The following TNFSF4 variants were observed in gnomAD, a reference collection of about 807,000 sequenced individuals.
The protein encoded by TNFSF4 is TNF superfamily member 4.
TNFSF4 carries 4 observed loss-of-function variants against 7.3 expected under a neutral mutation model. The observed-to-expected ratio is 0.55, with a 90% CI of 0.27 to 1.25. The LOEUF is 1.25. TNFSF4 is among the 50% of genes most tolerant of loss of function. The pLI, the probability that TNFSF4 is intolerant of heterozygous loss-of-function variation, is 0.12. For missense variants in TNFSF4, 181 were observed against 208.8 expected (o/e 0.87, Z 0.82); for synonymous variants, 76 against 83.7 (o/e 0.91, Z 0.50).
the TNFSF4 span, chr1:173,362,911 T>G: frequency 2.1e-6 from 1 of 475,998 alleles, no homozygotes; most frequent in Non-Finnish European, 4.2e-6. Context: ...AAGCATAATC[T>G]ATAATGTACT....
chr1:173,177,373 A>C, the TNFSF4 span, among the ~76,000 whole-genome samples: 4 of 152,106 alleles, frequency 2.6e-5, no homozygotes, highest in African/African-American at 9.7e-5. Flanking sequence ...GTTCTTACTC[A>C]TAAGTGGGAC....
chr1:173,397,257 A>C, the TNFSF4 span, among the ~76,000 whole-genome samples: 1 of 152,158 alleles, frequency 6.6e-6, no homozygotes, highest in Non-Finnish European at 1.5e-5. Flanking sequence ...CAATTTCCAA[A>C]CGAGATCGTT....
chr1:173,322,293 T>A, the TNFSF4 span, among the ~76,000 whole-genome samples: 1 of 151,778 alleles, frequency 6.6e-6, no homozygotes, highest in African/African-American at 2.4e-5. Context: ...GAGGGAAGCG[T>A]CTAGGTTTTA....
At chr1:173,289,280 G>T in the TNFSF4 span, among the ~76,000 whole-genome samples, 2 of 152,026 alleles carry the variant, frequency 1.3e-5, no homozygotes, top group African/African-American at 4.8e-5. Context: ...CTAAGATGAA[G>T]ATTTATATAG....
chr1:173,307,332 C>A, the TNFSF4 span, among the ~76,000 whole-genome samples: 3 of 151,756 alleles, frequency 2.0e-5, no homozygotes, highest in Non-Finnish European at 2.9e-5. Context: ...TAAATCTAAT[C>A]ATGAAGAAAA....
At chr1:173,422,313 T>C in the TNFSF4 span, among the ~76,000 whole-genome samples, 1 of 88,192 alleles carries the variant, frequency 1.1e-5, no homozygotes, top group South Asian at 4.3e-4. Context: ...GAAGGAATGG[T>C]GGTGCCCAGA....
At chr1:173,293,354 C>T in the TNFSF4 span, among the ~76,000 whole-genome samples, 1 of 152,054 alleles carries the variant, frequency 6.6e-6, no homozygotes, top group Non-Finnish European at 1.5e-5. Context: ...ACAACACTGA[C>T]AAAAACAAGC....
the TNFSF4 span, among the ~76,000 whole-genome samples, chr1:173,364,562 T>C: frequency 1.3e-5 from 2 of 152,190 alleles, no homozygotes; most frequent in South Asian, 2.1e-4. Flanking sequence ...TTTTAAATAA[T>C]TTGTACTACC....
the TNFSF4 span, among the ~76,000 whole-genome samples, chr1:173,328,859 A>G: frequency 6.7e-6 from 1 of 150,104 alleles, no homozygotes; most frequent in Admixed American, 6.7e-5. Context: ...TGTGCTTCAG[A>G]AAAAAAAAAT....
the TNFSF4 span, among the ~76,000 whole-genome samples, chr1:173,359,510 T>TAAAAAAA: frequency 5.3e-4 from 65 of 122,708 alleles, 2 homozygotes; most frequent in South Asian, 2.3e-3. Context: ...TTACCAGCTG[T>TAAAAAAA]AAAAAAAAAA....
the TNFSF4 span, among the ~76,000 whole-genome samples, chr1:173,176,828 G>A: frequency 2.6e-5 from 4 of 152,094 alleles, no homozygotes; most frequent in East Asian, 3.9e-4. Flanking sequence ...GCAGCAACAC[G>A]GATGGAACTG....
At chr1:173,418,990 A>C in the TNFSF4 span, among the ~76,000 whole-genome samples, 1 of 152,242 alleles carries the variant, frequency 6.6e-6, no homozygotes, top group East Asian at 1.9e-4. Context: ...ATTAAGATTA[A>C]ATAAGGCCAT....
chr1:173,423,091 C>A, the TNFSF4 span, among the ~76,000 whole-genome samples: 1 of 152,064 alleles, frequency 6.6e-6, no homozygotes, highest in Non-Finnish European at 1.5e-5. Context: ...GCCTCAGCCT[C>A]CTTACATGTT....
chr1:173,443,217 C>T, the TNFSF4 span, among the ~76,000 whole-genome samples: 1 of 152,052 alleles, frequency 6.6e-6, no homozygotes. Flanking sequence ...CTTTTAAATG[C>T]CATCTAAGGA....
At chr1:173,391,840 A>T in the TNFSF4 span, among the ~76,000 whole-genome samples, 1 of 152,190 alleles carries the variant, frequency 6.6e-6, no homozygotes, top group Non-Finnish European at 1.5e-5. Context: ...CAAGGACAAA[A>T]TTGAGAGGTT....
At chr1:173,405,592 AC>A in the TNFSF4 span, among the ~76,000 whole-genome samples, 1 of 152,238 alleles carries the variant, frequency 6.6e-6, no homozygotes, top group Non-Finnish European at 1.5e-5. Flanking sequence ...AAGTATACAC[AC>A]ATTATTAATG....
chr1:173,340,375 A>G, the TNFSF4 span, among the ~76,000 whole-genome samples: 1 of 148,808 alleles, frequency 6.7e-6, no homozygotes, highest in African/African-American at 2.5e-5. Context: ...CACATACCCT[A>G]TTAGTTCTGT....
chr1:173,331,178 C>A, the TNFSF4 span, among the ~76,000 whole-genome samples: 1 of 152,180 alleles, frequency 6.6e-6, no homozygotes, highest in African/African-American at 2.4e-5. Flanking sequence ...GGCCACTGCA[C>A]CCAGCCTTCT....
At chr1:173,433,442 C>A in the TNFSF4 span, among the ~76,000 whole-genome samples, 1 of 152,114 alleles carries the variant, frequency 6.6e-6, no homozygotes, top group Non-Finnish European at 1.5e-5. Flanking sequence ...CACCTGTAAT[C>A]CCAGCACTTT....
Sources: allele counts gnomAD v4.1 joint callset (sites outside exome capture counted in the v4.1 genomes callset), GRCh38; gene constraint gnomAD v4.1.1; transcripts MANE v1.5; gene names NCBI Gene and HGNC (gene_info 2026-07-23, HGNC 2026-07-21).